ABCB1: variants seen among roughly 807,000 people sequenced by gnomAD.
ABCB1 encodes the protein ATP-dependent translocase ABCB1.
ABCB1 carries 69 observed loss-of-function variants against 142.0 expected under a neutral mutation model. That is an observed-to-expected ratio of 0.49 (90% CI 0.40 to 0.59). The LOEUF (loss-of-function observed/expected upper bound fraction) is 0.59. ABCB1 is among the 20% of genes least tolerant of loss of function. ABCB1 has a pLI of 0.00. For missense variants in ABCB1, 1,326 were observed against 1,554.7 expected (o/e 0.85, Z 2.47); for synonymous variants, 532 against 539.2 (o/e 0.99, Z 0.18).
intron 20 of ABCB1, among the ~76,000 whole-genome samples, chr7:87,535,199 T>C (rs1207967698): frequency 4.6e-5 from 7 of 152,140 alleles, no homozygotes; most frequent in Admixed American, 4.6e-4. Context: ...AGTGATCCTT[T>C]CAAAATTTCA....
At chr7:87,536,948 T>A in intron 19 of ABCB1, 2 of 272,294 alleles carry the variant, frequency 7.3e-6, no homozygotes, top group Non-Finnish European at 1.4e-5. Context: ...TAAGGGGACA[T>A]CTGAACAGAG....
At chr7:87,582,296 GT>G (rs1244050051) in intron 4 of ABCB1, among the ~76,000 whole-genome samples, 4 of 152,180 alleles carry the variant, frequency 2.6e-5, no homozygotes, top group Non-Finnish European at 5.9e-5. Flanking sequence ...ACCATATTTG[GT>G]TATCACCTCC....
At chr7:87,570,947 G>A (rs984982682) in intron 4 of ABCB1, among the ~76,000 whole-genome samples, 4 of 152,032 alleles carry the variant, frequency 2.6e-5, no homozygotes, top group Non-Finnish European at 4.4e-5. Flanking sequence ...ATATATATGT[G>A]TGTATCTATT....
At chr7:87,619,970 A>G (rs1563077201) in intron 1 of ABCB1, among the ~76,000 whole-genome samples, 1 of 152,134 alleles carries the variant, frequency 6.6e-6, no homozygotes, top group Non-Finnish European at 1.5e-5. Flanking sequence ...ATCCTCTTAA[A>G]GATTACTTGT....
At chr7:87,593,248 A>G (rs1819067511) in intron 3 of ABCB1, among the ~76,000 whole-genome samples, 1 of 152,180 alleles carries the variant, frequency 6.6e-6, no homozygotes. Flanking sequence ...ATCTCTAAGA[A>G]GTTCATTTTG....
intron 1 of ABCB1, among the ~76,000 whole-genome samples, chr7:87,611,666 C>T (rs960473789): frequency 6.6e-6 from 1 of 151,776 alleles, no homozygotes; most frequent in Non-Finnish European, 1.5e-5. Context: ...TAGAAAATAG[C>T]ATGTATTTTA....
Position 87,544,920 on chromosome 7 carries a change from T to A in ABCB1, c.1967A>T (p.Asn656Ile). ...SEIDALEMSS[N>I]DSRSSLIRKR... ...TCTTATTAGACTGGATCTTGAATCA[T>A]TTGAAGACATTTCCAAGGCATCAAT... Residue 656 changes from asparagine to isoleucine, a missense_variant, in exon 16 of 28, where the codon AAT becomes ATT. By Grantham distance (149) the Asn-to-Ile change is moderately radical. Coordinates refer to ENST00000622132, the MANE Select transcript of ABCB1 (RefSeq NM_001348946.2). 1 of 1,614,098 alleles carries A rather than the reference T, an allele frequency of 6.2e-7. No homozygotes were observed. The highest frequency in any genetic ancestry group is 8.5e-7 in the Non-Finnish European group (1 of 1,179,972).
chr7:87,566,112 G>A lies in ABCB1; in HGVS notation c.660C>T (p.Ala220=). Reference sequence around the variant, plus strand: ...CTGACAGTCCAAGAACAGGACTGATGGCCAAAATCACAAGGGTTAGCTTCC... The same window carrying A: ...CTGACAGTCCAAGAACAGGACTGATAGCCAAAATCACAAGGGTTAGCTTCC... The part of the protein sequence containing the change: ...RGWKLTLVIL[A]ISPVLGLSAA... Residue 220 remains alanine, a synonymous_variant, in exon 7 of 28, where the codon GCC becomes GCT. Coordinates refer to ENST00000622132, the MANE Select transcript of ABCB1 (RefSeq NM_001348946.2). 1 of 1,614,168 alleles carries A rather than the reference G, an allele frequency of 6.2e-7. No individual in the cohort carries two copies. The highest frequency in any genetic ancestry group is 8.5e-7 in the Non-Finnish European group (1 of 1,180,020).
chr7:87,700,955 G>A (rs1371905901), intron 1 of ABCB1, among the ~76,000 whole-genome samples: 1 of 152,178 alleles, frequency 6.6e-6, no homozygotes, highest in African/African-American at 2.4e-5. Flanking sequence ...TCCCCACCAT[G>A]CACTCAGTAT....
At chr7:87,690,538 T>C (rs567868133) in intron 1 of ABCB1, among the ~76,000 whole-genome samples, 1 of 152,292 alleles carries the variant, frequency 6.6e-6, no homozygotes, top group East Asian at 1.9e-4. Flanking sequence ...AGAAAAGTTA[T>C]ATATAGTACT....
At chr7:87,511,126 C>T (rs1411608098) in intron 25 of ABCB1, among the ~76,000 whole-genome samples, 3 of 152,148 alleles carry the variant, frequency 2.0e-5, no homozygotes, top group African/African-American at 7.2e-5. Flanking sequence ...TCCTCGTCCC[C>T]GCATAATACC....
chr7:87,603,856 A>C (rs1819552924), upstream of ABCB1, among the ~76,000 whole-genome samples: 1 of 152,208 alleles, frequency 6.6e-6, no homozygotes, highest in Non-Finnish European at 1.5e-5. Context: ...TTTGGTAAAG[A>C]GTAGATAGTA....
In ABCB1 at chr7:87,505,986, G is replaced by A. The variant is rs199676098; in HGVS notation, c.3547C>T (p.Arg1183Cys). Residue 1183 changes from arginine (R) to cysteine (C), a missense_variant, in exon 27 of 28, where the codon CGC becomes TGC. Arg to Cys is a radical substitution (Grantham distance 180). Coordinates refer to ENST00000622132, the MANE Select transcript of ABCB1 (RefSeq NM_001348946.2). ...ACAAGGGCACGAGCTATGGCAATGC[G>A]TTGTTTCTGGCCACCAGAGAGCTGA... Reference protein sequence around the residue: ...GTQLSGGQKQRIAIARALVRQ... With the variant: ...GTQLSGGQKQCIAIARALVRQ... 1.1e-5 allele frequency: 17 copies of A among 1,613,914 alleles called. No homozygotes were observed. The highest frequency in any genetic ancestry group is 4.0e-5 in the African/African-American group (3 of 74,918).
At position 87,557,350 on chromosome 7, in the gene ABCB1, C is replaced by T. The variant is rs55806922; in HGVS notation, c.828-3418G>A. ...GGAAAACCTAGAACCTAGCACAGTG[C>T]CTGGCATGTTGTAGGTGCTGAATAA... On this transcript the variant is annotated intron_variant, in intron 8 of 27. Coordinates refer to ENST00000622132, the MANE Select transcript of ABCB1 (RefSeq NM_001348946.2). 3.3e-3 allele frequency among the ~76,000 whole-genome samples: 498 copies of T among 152,200 alleles called. 3 individuals carry two copies. Among genetic ancestry groups the T allele is most frequent in the African/African-American group, 0.011 (463 of 41,536 alleles).
At chr7:87,597,348 A>G (rs186440311) in intron 2 of ABCB1, among the ~76,000 whole-genome samples, 269 of 152,214 alleles carry the variant, frequency 1.8e-3, no homozygotes, top group Admixed American at 4.7e-3. Context: ...CATATTCCAA[A>G]TAGGACTATT....
intron 8 of ABCB1, among the ~76,000 whole-genome samples, chr7:87,555,803 G>C (rs1352607064): frequency 6.6e-6 from 1 of 152,010 alleles, no homozygotes; most frequent in African/African-American, 2.4e-5. Context: ...CTACCACTGG[G>C]CATAACTTAC....
chr7:87,617,343 T>C (rs1036739343), intron 1 of ABCB1, among the ~76,000 whole-genome samples: 6 of 152,218 alleles, frequency 3.9e-5, no homozygotes, highest in African/African-American at 1.4e-4. Context: ...ACCAAAACTT[T>C]GGTAATGTGT....
At chr7:87,635,933 C>T (rs1821721633) in intron 1 of ABCB1, among the ~76,000 whole-genome samples, 1 of 152,096 alleles carries the variant, frequency 6.6e-6, no homozygotes. Context: ...GTAGTTTGTT[C>T]ATTTTCATTG....
intron 1 of ABCB1, among the ~76,000 whole-genome samples, chr7:87,668,982 G>A (rs2130504240): frequency 6.6e-6 from 1 of 152,082 alleles, no homozygotes; most frequent in African/African-American, 2.4e-5. Context: ...CTATAGAGGT[G>A]TATCCGAGCC....
Sources: gnomAD v4.1 joint callset for allele counts (sites outside exome capture counted in the v4.1 genomes callset) on GRCh38, gnomAD v4.1.1 for gene constraint, MANE v1.5 for transcripts, NCBI Gene and HGNC (gene_info 2026-07-23, HGNC 2026-07-21) for gene names.